METTL15: variants seen among roughly 807,000 people sequenced by gnomAD.
METTL15 encodes methyltransferase 15, mitochondrial 12S rRNA N4-cytidine.
Under a neutral mutation model 38.3 loss-of-function variants are expected in METTL15, and 34 were observed. The observed-to-expected ratio is 0.89, with a 90% CI of 0.68 to 1.18. The LOEUF (loss-of-function observed/expected upper bound fraction) is 1.18. Ranked by LOEUF, METTL15 falls within the 50% of genes most tolerant of loss-of-function variation. The probability of loss-of-function intolerance (pLI) is 0.00; values close to 1 mark genes in which losing one functional copy is unlikely to be tolerated. For missense variants in METTL15, 438 were observed against 498.4 expected (o/e 0.88, Z 1.15); for synonymous variants, 162 against 170.9 (o/e 0.95, Z 0.41).
chr11:28,250,559 CT>C (rs200416951), intron 4 of METTL15, among the ~76,000 whole-genome samples: 9 of 65,400 alleles, frequency 1.4e-4, no homozygotes, highest in African/African-American at 3.4e-4. Flanking sequence ...AGTTACTCTC[CT>C]TTTTTTAAAA....
intron 3 of METTL15, among the ~76,000 whole-genome samples, chr11:28,171,551 T>C (rs1019660097): frequency 1.3e-5 from 2 of 152,188 alleles, no homozygotes; most frequent in African/African-American, 4.8e-5. Context: ...TTTTCAGTAA[T>C]GAGAATGAAC....
chr11:28,321,927 A>T (rs1429308893), intron 6 of METTL15, among the ~76,000 whole-genome samples: 1 of 152,054 alleles, frequency 6.6e-6, no homozygotes, highest in Non-Finnish European at 1.5e-5. Flanking sequence ...GTAGTATATG[A>T]TCAAGAGGGT....
At chr11:28,391,535 G>A (rs7948373) in intron 5 of METTL15, among the ~76,000 whole-genome samples, 86,012 of 151,896 alleles carry the variant, frequency 0.57, 25,443 homozygotes, top group East Asian at 0.74. Context: ...GAACAAAGCT[G>A]GAGGCATCAC....
Position 28,391,999 on chromosome 11 carries a change from A to G in METTL15, c.*358+29963A>G, listed in dbSNP as rs558763435. Among the ~76,000 whole-genome samples, 513 of 152,322 alleles carry G rather than the reference A, an allele frequency of 3.4e-3. 2 individuals carry two copies. The highest frequency in any genetic ancestry group is 0.01 in the Middle Eastern group (3 of 294). On this transcript the variant is annotated intron_variant and NMD_transcript_variant, in intron 5 of 7. Transcript: ENST00000532947. Reference sequence around the variant, plus strand: ...TAAACTAAAGAGCTTCTGCACAGCAAAAGAAACTACCATCAGAGTGAACAG... The same window carrying G: ...TAAACTAAAGAGCTTCTGCACAGCAGAAGAAACTACCATCAGAGTGAACAG...
At chr11:28,260,668 AG>A (rs1479581325) in intron 4 of METTL15, among the ~76,000 whole-genome samples, 1 of 152,182 alleles carries the variant, frequency 6.6e-6, no homozygotes, top group Admixed American at 6.5e-5. Context: ...GGAAACTAAA[AG>A]TATTATAGAC....
chr11:28,151,896 A>G (rs1291826484), intron 3 of METTL15, among the ~76,000 whole-genome samples: 1 of 152,024 alleles, frequency 6.6e-6, no homozygotes, highest in Non-Finnish European at 1.5e-5. Context: ...GTTCCCCTCA[A>G]TAATTCTTTA....
chr11:28,341,019 A>G (rs888785957), intron 3 of METTL15, among the ~76,000 whole-genome samples: 19 of 152,194 alleles, frequency 1.2e-4, no homozygotes, highest in African/African-American at 4.1e-4. Context: ...TGTCCTTTGC[A>G]GGAACGTGGA....
intron 6 of METTL15, among the ~76,000 whole-genome samples, chr11:28,486,252 G>A (rs754879381): frequency 6.6e-6 from 1 of 152,070 alleles, no homozygotes; most frequent in African/African-American, 2.4e-5. Context: ...CTGCATCTTA[G>A]GCCACTTCAC....
intron 3 of METTL15, among the ~76,000 whole-genome samples, chr11:28,340,819 A>T (rs1849945098): frequency 6.6e-6 from 1 of 152,148 alleles, no homozygotes; most frequent in South Asian, 2.1e-4. Flanking sequence ...TCCCATCACT[A>T]GGTGTATACC....
chr11:28,221,606 TC>T (rs1301768994), intron 4 of METTL15, among the ~76,000 whole-genome samples: 1 of 152,224 alleles, frequency 6.6e-6, no homozygotes, highest in African/African-American at 2.4e-5. Context: ...GGAGCTGTGT[TC>T]CCTTGGAGGA....
At chr11:28,371,886 TG>T (rs1297565285) in intron 5 of METTL15, among the ~76,000 whole-genome samples, 2 of 152,122 alleles carry the variant, frequency 1.3e-5, no homozygotes, top group Non-Finnish European at 2.9e-5. Context: ...AACAATTTTT[TG>T]TTAGAGACTT....
At chr11:28,223,659 G>A (rs1052501224) in intron 4 of METTL15, among the ~76,000 whole-genome samples, 1 of 152,074 alleles carries the variant, frequency 6.6e-6, no homozygotes, top group African/African-American at 2.4e-5. Context: ...TCAAAACTAA[G>A]TCAGAAATAG....
In METTL15 at chr11:28,332,202, A is replaced by C. The variant is rs538185949; in HGVS notation, c.*1361A>C. The C allele has an allele frequency of 6.6e-6, 1 of 152,354 alleles. No individual in the cohort carries two copies. The highest frequency in any genetic ancestry group is 2.4e-5 in the African/African-American group (1 of 41,592). The allele number at this position is 152,354 out of a possible 1,614,324, so 9.4% of individuals were successfully genotyped here. A position where few individuals can be genotyped will look rare whatever the true frequency, so the allele number is the denominator to read the frequency against. ...TTACAGGCTTTATTTAAATCTGAAC[A>C]ATCCTACAGGGAAATCAGAATTAGG... is the stretch of plus-strand genomic sequence containing the variant. On this transcript the variant is annotated 3_prime_UTR_variant, in exon 7 of 7. Coordinates refer to ENST00000407364, the MANE Select transcript of METTL15 (RefSeq NM_001113528.2).
chr11:28,429,378 T>TCTCCCC (rs1850892809), intron 6 of METTL15, among the ~76,000 whole-genome samples: 1 of 68,872 alleles, frequency 1.5e-5, no homozygotes, highest in African/African-American at 5.8e-5. Flanking sequence ...TCCCTCTCCC[T>TCTCCCC]CTCCCTCTCC....
chr11:28,288,808 CTTAAAAG>C, intron 4 of METTL15, among the ~76,000 whole-genome samples: 1 of 152,184 alleles, frequency 6.6e-6, no homozygotes, highest in Middle Eastern at 3.4e-3. Context: ...TACCCCTGAA[CTTAAAAG>C]TTAAATAAAA....
intron 5 of METTL15, among the ~76,000 whole-genome samples, chr11:28,394,554 A>T (rs1001505697): frequency 1.3e-5 from 2 of 152,098 alleles, no homozygotes; most frequent in African/African-American, 4.8e-5. Flanking sequence ...AATACTAAAA[A>T]ATTCTTAAAA....
chr11:28,317,788 A>T (rs1163650590), intron 6 of METTL15, among the ~76,000 whole-genome samples: 5 of 152,194 alleles, frequency 3.3e-5, no homozygotes, highest in Admixed American at 6.5e-5. Flanking sequence ...CTCTTACTTT[A>T]TGTGAAATTC....
chr11:28,379,645 G>T (rs1850360144), intron 5 of METTL15, among the ~76,000 whole-genome samples: 1 of 152,104 alleles, frequency 6.6e-6, no homozygotes, highest in Non-Finnish European at 1.5e-5. Flanking sequence ...CTATTCTGGA[G>T]AATGTTTCAT....
At chr11:28,355,527 C>T (rs1850083438) in intron 4 of METTL15, among the ~76,000 whole-genome samples, 1 of 152,040 alleles carries the variant, frequency 6.6e-6, no homozygotes, top group Non-Finnish European at 1.5e-5. Context: ...AATTCCATAT[C>T]CATGTATTTA....
Sources: allele counts gnomAD v4.1 joint callset (sites outside exome capture counted in the v4.1 genomes callset), GRCh38; gene constraint gnomAD v4.1.1; transcripts MANE v1.5; gene names NCBI Gene and HGNC (gene_info 2026-07-23, HGNC 2026-07-21).